Variants in RELB observed in about 807,000 individuals in gnomAD.
RELB encodes RELB proto-oncogene, NF-kB subunit.
RELB carries 14 observed loss-of-function variants against 55.4 expected under a neutral mutation model. The observed-to-expected ratio is 0.25, with a 90% CI of 0.17 to 0.40. RELB has a LOEUF of 0.40. Among genes scored for constraint, RELB ranks in the 10% least tolerant of loss-of-function variants. RELB has a pLI of 1.00. For synonymous variants in RELB, 409 were observed against 371.3 expected (o/e 1.10, Z -1.17); for missense variants, 669 against 830.7 (o/e 0.81, Z 2.39).
At chr19:45,035,878 T>C (rs571264595) in intron 11 of RELB, among the ~76,000 whole-genome samples, 311 of 152,302 alleles carry the variant, frequency 2.0e-3, no homozygotes, top group African/African-American at 7.2e-3. Flanking sequence ...GATGGTCTGG[T>C]GACTGCATGA....
chr19:45,005,090 G>C (rs560560140), intron 2 of RELB, among the ~76,000 whole-genome samples: 2 of 152,188 alleles, frequency 1.3e-5, no homozygotes, highest in East Asian at 3.9e-4. Flanking sequence ...AGAATCACTT[G>C]AACCCGGGAG....
intron 7 of RELB, among the ~76,000 whole-genome samples, chr19:45,027,335 A>G (rs1000926076): frequency 6.6e-6 from 1 of 152,070 alleles, no homozygotes; most frequent in Non-Finnish European, 1.5e-5. Context: ...CAGATGTAGC[A>G]TAGTGCTTCA....
chr19:45,017,449 T>TAAA (rs544678800), intron 4 of RELB, among the ~76,000 whole-genome samples: 2 of 102,698 alleles, frequency 1.9e-5, no homozygotes, highest in African/African-American at 9.7e-5. Context: ...AGAATCTGTC[T>TAAA]AAAAAAAAAA....
intron 2 of RELB, 32 bp from the exon 3 acceptor site, chr19:45,009,782 C>CCTTTCT (rs550818102): frequency 5.0e-6 from 8 of 1,598,692 alleles, no homozygotes; most frequent in African/African-American, 1.3e-5. Flanking sequence ...CTGGACCTTA[C>CCTTTCT]CTTTCTCTTT....
intron 2 of RELB, among the ~76,000 whole-genome samples, chr19:45,003,919 T>TTTG (rs1971249104): frequency 1.1e-5 from 1 of 91,942 alleles, no homozygotes; most frequent in African/African-American, 6.1e-5. Context: ...TTTTGTGTTT[T>TTTG]TTTTTTTTTT....
At chr19:45,031,311 G>C (rs557363320) in intron 8 of RELB, among the ~76,000 whole-genome samples, 118 of 151,262 alleles carry the variant, frequency 7.8e-4, no homozygotes, top group Non-Finnish European at 1.3e-3. Context: ...TTCTTGTAGA[G>C]ACAAGGTCTT....
At position 45,034,474 on chromosome 19, in the gene RELB, C is replaced by T. The variant is rs546556791; in HGVS notation, c.1300C>T (p.Arg434Trp). Reference sequence around the variant, plus strand: ...AGACCCCCATGGCATCGAGAGCAAACGGCGGAAGAAAAAGCCGGCCATCCT... The same window carrying T: ...AGACCCCCATGGCATCGAGAGCAAATGGCGGAAGAAAAAGCCGGCCATCCT... ...SSDPHGIESK[R>W]RKKKPAILDH... Residue 434 changes from arginine (R) to tryptophan (W), a missense_variant, in exon 11 of 12, where the codon CGG becomes TGG. Transcript: ENST00000221452. The T allele has an allele frequency of 1.9e-6, 3 of 1,611,490 alleles. No individual in the cohort carries two copies. The highest frequency in any genetic ancestry group is 2.2e-5 in the East Asian group (1 of 44,798).
Sources: gnomAD v4.1 joint callset for allele counts (sites outside exome capture counted in the v4.1 genomes callset) on GRCh38, gnomAD v4.1.1 for gene constraint, MANE v1.5 for transcripts, NCBI Gene and HGNC (gene_info 2026-07-23, HGNC 2026-07-21) for gene names.